Variants in PTTG1IP observed in about 807,000 individuals in gnomAD.
The protein encoded by PTTG1IP is pituitary tumor-transforming gene 1 protein-interacting protein.
In PTTG1IP, 16 loss-of-function variants were observed where a neutral mutation model predicts 24.4. The ratio of observed to expected loss-of-function variants is 0.66; its 90% confidence interval spans 0.44 to 1.00. The LOEUF (loss-of-function observed/expected upper bound fraction) is 1.00, where lower values mean the gene tolerates loss of function less well. PTTG1IP is among the 50% of genes least tolerant of loss of function. The pLI is 0.00. For missense variants in PTTG1IP, 241 were observed against 245.8 expected, an observed-to-expected ratio of 0.98 and a Z score of 0.13; for synonymous variants, 89 against 96.8, an observed-to-expected ratio of 0.92 and a Z score of 0.47.
chr21:44,867,656 T>C (rs573285125), intron 1 of PTTG1IP, among the ~76,000 whole-genome samples: 2 of 152,340 alleles, frequency 1.3e-5, no homozygotes, highest in African/African-American at 4.8e-5. Context: ...CGTCTGTGAC[T>C]GACATTCACG....
Position 44,873,660 on chromosome 21 carries a change from G to C in PTTG1IP, c.-44C>G. 1 of 1,333,060 alleles carries C rather than the reference G, an allele frequency of 7.5e-7. No homozygotes were observed. Among genetic ancestry groups the C allele is most frequent in the Non-Finnish European group, 9.6e-7 (1 of 1,038,084 alleles). The allele number at this position is 1,333,060 out of a possible 1,614,324, so 82.6% of individuals were successfully genotyped here. A position where few individuals can be genotyped will look rare whatever the true frequency, so the allele number is the denominator to read the frequency against. ...TCAGTCAGTGGAGCGTTACAACTCC[G>C]ACTCCAGCACAAGCGGTCTCCGCCC... On this transcript the variant is annotated 5_prime_UTR_variant, in exon 1 of 6. Transcript: ENST00000330938.
intron 1 of PTTG1IP, among the ~76,000 whole-genome samples, chr21:44,870,711 T>C (rs1569328142): frequency 6.6e-6 from 1 of 152,218 alleles, no homozygotes; most frequent in Non-Finnish European, 1.5e-5. Context: ...TGAATGTGAC[T>C]GCCCTGACTT....
intron 5 of PTTG1IP, 109 bp downstream of exon 5, chr21:44,855,101 G>C: frequency 1.7e-6 from 2 of 1,198,458 alleles, no homozygotes; most frequent in South Asian, 1.3e-5. Context: ...CTTCTGTTCC[G>C]ATGGGTGAAC....
intron 5 of PTTG1IP, among the ~76,000 whole-genome samples, 180 bp from the exon 6 acceptor site, chr21:44,851,807 A>T (rs566602915): frequency 6.6e-6 from 1 of 152,288 alleles, no homozygotes; most frequent in East Asian, 1.9e-4. Flanking sequence ...TTAAACTTTA[A>T]AACTGAAATA....
intron 1 of PTTG1IP, among the ~76,000 whole-genome samples, chr21:44,866,702 CACAA>C (rs909320980): frequency 2.6e-5 from 4 of 151,732 alleles, no homozygotes; most frequent in Admixed American, 6.5e-5. Flanking sequence ...CACACACACA[CACAA>C]ACACAGTGCA....
intron 3 of PTTG1IP, among the ~76,000 whole-genome samples, chr21:44,860,843 C>T (rs924278626): frequency 2.6e-5 from 4 of 151,888 alleles, no homozygotes; most frequent in Non-Finnish European, 5.9e-5. Flanking sequence ...CTCGCTCTGT[C>T]GCCAGGCTGG....
Position 44,853,477 on chromosome 21 carries a change from C to T in PTTG1IP, c.496+1733G>A, listed in dbSNP as rs2083425628. Among the ~76,000 whole-genome samples the T allele has an allele frequency of 2.0e-5, 3 of 147,252 alleles. No individual in the cohort carries two copies. In the South Asian group the frequency reaches 6.4e-4, roughly 31 times the overall value. ...GAGCTGACATCGCGCCACTGCACTC[C>T]AGCCTGGGCGACAAGGTGAGACTCC... On this transcript the variant is annotated intron_variant, in intron 5 of 5. Coordinates refer to ENST00000330938, the MANE Select transcript of PTTG1IP (RefSeq NM_004339.4).
rs980591800 is a variant in PTTG1IP, at chr21:44,864,546, G to A, written c.168+849C>T. On this transcript the variant is annotated intron_variant, in intron 2 of 5. Coordinates refer to ENST00000330938, the MANE Select transcript of PTTG1IP (RefSeq NM_004339.4). ...CAAGTAGCTGGGATTACAGGCACCC[G>A]CCACCACGCCTAGCTAATTGTTTTG... Among the ~76,000 whole-genome samples the A allele has an allele frequency of 5.9e-5, 9 of 152,168 alleles. No individual in the cohort carries two copies. The South Asian group carries it at 1.0e-3, about 17-fold the overall frequency.
chr21:44,860,139 T>C (rs1185791263), intron 3 of PTTG1IP, among the ~76,000 whole-genome samples: 1 of 151,958 alleles, frequency 6.6e-6, no homozygotes, highest in African/African-American at 2.4e-5. Flanking sequence ...GAGGCTGAGG[T>C]GGGCAGATCA....
At chr21:44,868,303 G>A (rs374639990) in intron 1 of PTTG1IP, among the ~76,000 whole-genome samples, 13 of 152,264 alleles carry the variant, frequency 8.5e-5, no homozygotes, top group East Asian at 5.8e-4. Flanking sequence ...GCAATGTGAC[G>A]GGCACCATGA....
At position 44,851,313 on chromosome 21, in the gene PTTG1IP, GA is replaced by G; in HGVS notation, c.*267del. Reference sequence around the variant, plus strand: ...GTGCAGTTAGCGTTTCACAAACTGAGAAGAGTATAAAAAAGCCCAAACCCCA... The same window carrying G: ...GTGCAGTTAGCGTTTCACAAACTGAGAGAGTATAAAAAAGCCCAAACCCCA... On this transcript the variant is annotated 3_prime_UTR_variant, in exon 6 of 6. Transcript: ENST00000330938. 1 of 1,474,030 alleles carries G rather than the reference GA, an allele frequency of 6.8e-7. No individual in the cohort carries two copies. Among genetic ancestry groups the G allele is most frequent in the Non-Finnish European group, 9.0e-7 (1 of 1,108,884 alleles). 91.3% of individuals were successfully genotyped at this position (1,474,030 alleles called of 1,614,324 possible). A position where few individuals can be genotyped will look rare whatever the true frequency, so the allele number is the denominator to read the frequency against.
intron 2 of PTTG1IP, among the ~76,000 whole-genome samples, chr21:44,862,649 A>G (rs2083501049): frequency 6.6e-6 from 1 of 152,254 alleles, no homozygotes; most frequent in South Asian, 2.1e-4. Context: ...AATAGGATAG[A>G]AAGTCATGGC....
At position 44,861,668 on chromosome 21, in the gene PTTG1IP, G is replaced by A. The variant is rs565747192; in HGVS notation, c.169-397C>T. Reference sequence around the variant, plus strand: ...CTGTGTGGCTCCCCACTGACTGGATGGGCCCTGCCTCGATCAACAGACTGG... The same window carrying A: ...CTGTGTGGCTCCCCACTGACTGGATAGGCCCTGCCTCGATCAACAGACTGG... On this transcript the variant is annotated intron_variant, in intron 2 of 5. Coordinates refer to ENST00000330938, the MANE Select transcript of PTTG1IP (RefSeq NM_004339.4). The A allele has an allele frequency of 7.2e-5, 51 of 712,828 alleles. 1 individual carries two copies. The Middle Eastern group carries it at 1.8e-3, about 25-fold the overall frequency. 44.2% of individuals were successfully genotyped at this position (712,828 alleles called of 1,614,324 possible). A position where few individuals can be genotyped will look rare whatever the true frequency, so the allele number is the denominator to read the frequency against.
chr21:44,861,356 C>T, intron 2 of PTTG1IP, 85 bp from the exon 3 acceptor site: 1 of 1,142,836 alleles, frequency 8.8e-7, no homozygotes, highest in Non-Finnish European at 1.3e-6. Context: ...CCCGCCAGTG[C>T]TGCCATCGCT....
Position 44,860,993 on chromosome 21 carries a change from G to A in PTTG1IP, c.277+170C>T, listed in dbSNP as rs185324177. ...TAATTTTTGTATTTTTAATAGAGACGGGGCTTCACCATGTTAGCCAGGATG... is the reference window on the plus strand; with the variant it reads ...TAATTTTTGTATTTTTAATAGAGACAGGGCTTCACCATGTTAGCCAGGATG... On this transcript the variant is annotated intron_variant, in intron 3 of 5. Coordinates refer to ENST00000330938, the MANE Select transcript of PTTG1IP (RefSeq NM_004339.4). 2.6e-4 allele frequency among the ~76,000 whole-genome samples: 39 copies of A among 152,004 alleles called. 1 individual carries two copies. The East Asian group carries it at 5.8e-3, about 23-fold the overall frequency.
chr21:44,855,757 G>C (rs1419483143), intron 4 of PTTG1IP, among the ~76,000 whole-genome samples: 1 of 152,136 alleles, frequency 6.6e-6, no homozygotes, highest in Non-Finnish European at 1.5e-5. Flanking sequence ...CCTCCTCCTG[G>C]GGTTGCCCCA....
intron 3 of PTTG1IP, among the ~76,000 whole-genome samples, chr21:44,859,286 C>T (rs2083472541): frequency 6.6e-6 from 1 of 152,228 alleles, no homozygotes; most frequent in South Asian, 2.1e-4. Flanking sequence ...CATGGGGGTC[C>T]TGACAGGAAT....
chr21:44,857,442 A>G (rs235321), intron 3 of PTTG1IP, among the ~76,000 whole-genome samples: 142,641 of 152,332 alleles, frequency 0.94, 66,864 homozygotes, highest in East Asian at 1. Context: ...AGCCGTGCCT[A>G]CACTATTGCA....
intron 5 of PTTG1IP, among the ~76,000 whole-genome samples, chr21:44,852,240 T>A (rs571723645): frequency 6.6e-6 from 1 of 151,794 alleles, no homozygotes; most frequent in Non-Finnish European, 1.5e-5. Context: ...TAGAGTGCAA[T>A]GGCGCAGTCT....
Sources: allele counts gnomAD v4.1 joint callset (sites outside exome capture counted in the v4.1 genomes callset), GRCh38; gene constraint gnomAD v4.1.1; transcripts MANE v1.5; gene names NCBI Gene and HGNC (gene_info 2026-07-23, HGNC 2026-07-21).